AP3B1: variants seen among roughly 807,000 people sequenced by gnomAD.
AP3B1 encodes the protein adaptor related protein complex 3 subunit beta 1, also known as AP-3 complex subunit beta-1.
Under a neutral mutation model 132.5 loss-of-function variants are expected in AP3B1, and 61 were observed. The ratio of observed to expected loss-of-function variants is 0.46; its 90% confidence interval spans 0.37 to 0.57. AP3B1 has a LOEUF of 0.57. AP3B1 is among the 20% of genes least tolerant of loss of function. The probability of loss-of-function intolerance (pLI) is 0.00; values close to 1 mark genes in which losing one functional copy is unlikely to be tolerated. For synonymous variants in AP3B1, 388 were observed against 438.3 expected, an observed-to-expected ratio of 0.89 and a Z score of 1.43; for missense variants, 1,120 against 1,289.4, an observed-to-expected ratio of 0.87 and a Z score of 2.01.
intron 22 of AP3B1, among the ~76,000 whole-genome samples, chr5:78,085,937 T>C (rs919126379): frequency 6.6e-6 from 1 of 152,194 alleles, no homozygotes; most frequent in Non-Finnish European, 1.5e-5. Flanking sequence ...ATTAAGAGGT[T>C]TGCATTTCAT....
chr5:78,013,090 C>T (rs184713916), intron 26 of AP3B1, among the ~76,000 whole-genome samples: 2 of 152,292 alleles, frequency 1.3e-5, no homozygotes, highest in Non-Finnish European at 2.9e-5. Flanking sequence ...GTCACCCAGG[C>T]TGGAGTGCAA....
At chr5:78,251,701 C>T (rs1241349730) in intron 2 of AP3B1, among the ~76,000 whole-genome samples, 1 of 152,176 alleles carries the variant, frequency 6.6e-6, no homozygotes, top group African/African-American at 2.4e-5. Flanking sequence ...TGGAAAACCT[C>T]GCCACCGAGG....
rs554649109 is a variant in AP3B1, at chr5:78,088,430, GA to G, written c.2577+962del. 3.0e-4 allele frequency among the ~76,000 whole-genome samples: 46 copies of G among 152,292 alleles called. 1 individual carries two copies. In the South Asian group the frequency reaches 9.5e-3, roughly 32 times the overall value. On this transcript the variant is annotated intron_variant, in intron 22 of 26. Transcript: ENST00000255194. ...TGAGCGAGGTGACCAATGTTGAACA[GA>G]AATGCAGATAGCTTTTTTTAGTATT...
intron 7 of AP3B1, among the ~76,000 whole-genome samples, chr5:78,192,100 TC>T (rs1234694589): frequency 6.6e-6 from 1 of 151,392 alleles, no homozygotes; most frequent in Admixed American, 6.6e-5. Flanking sequence ...CCTCAGGTGA[TC>T]CGCCCGCCTC....
At chr5:78,130,769 GA>G (rs1752653690) in intron 15 of AP3B1, among the ~76,000 whole-genome samples, 2 of 152,032 alleles carry the variant, frequency 1.3e-5, no homozygotes, top group African/African-American at 4.8e-5. Flanking sequence ...CTCAAATGTG[GA>G]GTTAGAATTT....
In AP3B1 at chr5:78,156,310, G is replaced by A. The variant is rs191850940; in HGVS notation, c.1421C>T (p.Ala474Val). 1.2e-4 allele frequency: 187 copies of A among 1,613,712 alleles called. 2 individuals carry two copies. In the East Asian group the frequency reaches 4.1e-3, roughly 35 times the overall value. Residue 474 changes from alanine to valine, a missense_variant, in exon 14 of 27, where the codon GCA (alanine) becomes GTA (valine). By Grantham distance (64) the Ala-to-Val change is moderately conservative. Transcript: ENST00000255194. ...VIKKLLQMQP[A>V]QHGEIIKHMA... ...ATGTTTAATAATTTCACCATGTTGT[G>A]CAGGTTGCATTTGCAGTAATTTCTT...
intron 22 of AP3B1, among the ~76,000 whole-genome samples, chr5:78,073,887 C>A (rs1405383758): frequency 6.6e-6 from 1 of 152,156 alleles, no homozygotes. Context: ...CTTTCTTTAT[C>A]ACAACCTCTT....
At chr5:78,121,329 GA>G (rs1278440884) in intron 17 of AP3B1, among the ~76,000 whole-genome samples, 1 of 151,996 alleles carries the variant, frequency 6.6e-6, no homozygotes, top group Admixed American at 6.6e-5. Context: ...CAGAAGGCAA[GA>G]AATAACTAAA....
At chr5:78,204,822 C>A (rs962895091) in intron 7 of AP3B1, among the ~76,000 whole-genome samples, 2 of 152,162 alleles carry the variant, frequency 1.3e-5, no homozygotes, top group African/African-American at 2.4e-5. Flanking sequence ...AGTTTAAATG[C>A]CACAAATCTT....
intron 7 of AP3B1, among the ~76,000 whole-genome samples, chr5:78,191,528 T>C (rs74895944): frequency 0.021 from 3,214 of 152,236 alleles, 40 homozygotes; most frequent in Non-Finnish European, 0.032. Context: ...GTTTAAAATA[T>C]AAAATCTATG....
At chr5:78,086,100 C>G (rs1202487768) in intron 22 of AP3B1, among the ~76,000 whole-genome samples, 6 of 152,128 alleles carry the variant, frequency 3.9e-5, no homozygotes, top group Non-Finnish European at 7.4e-5. Context: ...CACATGATCA[C>G]AATTTTTATA....
Position 78,032,364 on chromosome 5 carries a change from G to GA in AP3B1, c.2894+1996dup, listed in dbSNP as rs1747616963. Among the ~76,000 whole-genome samples the GA allele has an allele frequency of 2.0e-5, 3 of 151,942 alleles. No individual in the cohort carries two copies. The South Asian group carries it at 6.2e-4, about 32-fold the overall frequency. Reference sequence around the variant, plus strand: ...ATCGATTTGTATAATGTATTTCAAGGAAAAAATTCAATATCAGCCATTCTT... The same window carrying GA: ...ATCGATTTGTATAATGTATTTCAAGGAAAAAAATTCAATATCAGCCATTCTT... On this transcript the variant is annotated intron_variant, in intron 24 of 26. Coordinates refer to ENST00000255194, the MANE Select transcript of AP3B1 (RefSeq NM_003664.5).
At chr5:78,110,684 CTGTGTG>C (rs144921350) in intron 19 of AP3B1, among the ~76,000 whole-genome samples, 36 of 143,554 alleles carry the variant, frequency 2.5e-4, no homozygotes, top group Admixed American at 3.5e-4. Context: ...AATACTGTGC[CTGTGTG>C]TGTGTGTGTG....
chr5:78,232,704 ATTCT>A (rs1271775972), intron 3 of AP3B1, among the ~76,000 whole-genome samples: 2 of 151,982 alleles, frequency 1.3e-5, no homozygotes, highest in South Asian at 2.1e-4. Context: ...TTTATGTTTT[ATTCT>A]TTCTTTCTTT....
intron 2 of AP3B1, among the ~76,000 whole-genome samples, chr5:78,248,492 C>CAAAAAAA (rs34983157): frequency 4.2e-5 from 3 of 71,350 alleles, no homozygotes; most frequent in African/African-American, 1.2e-4. Context: ...GACTCTGTCT[C>CAAAAAAA]AAAAAAAAAA....
chr5:78,259,547 G>A (rs1198792823), intron 2 of AP3B1, among the ~76,000 whole-genome samples: 1 of 152,100 alleles, frequency 6.6e-6, no homozygotes, highest in African/African-American at 2.4e-5. Context: ...AACTCAGAAG[G>A]AAAAAGGTAT....
chr5:78,016,236 T>C (rs748426109), intron 25 of AP3B1, among the ~76,000 whole-genome samples: 23 of 152,004 alleles, frequency 1.5e-4, no homozygotes, highest in Non-Finnish European at 2.9e-4. Flanking sequence ...CCCAGGGACA[T>C]TTCAAATAAT....
intron 22 of AP3B1, among the ~76,000 whole-genome samples, chr5:78,080,197 T>TG (rs1749932654): frequency 6.6e-6 from 1 of 152,002 alleles, no homozygotes; most frequent in Non-Finnish European, 1.5e-5. Flanking sequence ...TTTATAGAGA[T>TG]GGGGTTTTGT....
chr5:78,160,275 C>G (rs926248535), intron 13 of AP3B1, among the ~76,000 whole-genome samples: 7 of 152,064 alleles, frequency 4.6e-5, no homozygotes, highest in Non-Finnish European at 1.0e-4. Context: ...TAAAACTAAA[C>G]AAAACAAAGT....
Sources: allele counts gnomAD v4.1 joint callset (sites outside exome capture counted in the v4.1 genomes callset), GRCh38; gene constraint gnomAD v4.1.1; transcripts MANE v1.5; gene names NCBI Gene and HGNC (gene_info 2026-07-23, HGNC 2026-07-21).